KCNH7: variants seen among roughly 807,000 people sequenced by gnomAD.
KCNH7 encodes the protein potassium voltage-gated channel subfamily H member 7.
KCNH7 carries 49 observed loss-of-function variants against 120.8 expected under a neutral mutation model. That is an observed-to-expected ratio of 0.41 (90% CI 0.32 to 0.51). KCNH7 has a LOEUF of 0.51. Among genes scored for constraint, KCNH7 ranks in the 20% least tolerant of loss-of-function variants. The probability of loss-of-function intolerance (pLI) is 0.38; values close to 1 mark genes in which losing one functional copy is unlikely to be tolerated. For synonymous variants in KCNH7, 547 were observed against 516.1 expected (o/e 1.06, Z -0.81); for missense variants, 1,097 against 1,446.6 (o/e 0.76, Z 3.92).
At chr2:162,531,011 T>C (rs1041643438) in intron 3 of KCNH7, among the ~76,000 whole-genome samples, 1 of 151,956 alleles carries the variant, frequency 6.6e-6, no homozygotes, top group African/African-American at 2.4e-5. Context: ...AAAACCGATA[T>C]ACAGGTGGTA....
intron 3 of KCNH7, among the ~76,000 whole-genome samples, chr2:162,524,893 C>T (rs1287396741): frequency 1.3e-5 from 2 of 151,888 alleles, no homozygotes; most frequent in Non-Finnish European, 2.9e-5. Context: ...TAGAACAACT[C>T]AGAATATTGT....
intron 6 of KCNH7, among the ~76,000 whole-genome samples, chr2:162,467,931 T>C (rs1404283604): frequency 6.6e-6 from 1 of 152,176 alleles, no homozygotes; most frequent in South Asian, 2.1e-4. Context: ...GGGCAAGGCA[T>C]TAATCTTGTT....
intron 2 of KCNH7, among the ~76,000 whole-genome samples, chr2:162,581,886 A>G (rs1212055050): frequency 6.6e-6 from 1 of 152,044 alleles, no homozygotes; most frequent in Non-Finnish European, 1.5e-5. Flanking sequence ...CACCCACCCA[A>G]AGAAAGAAAA....
chr2:162,721,752 G>A (rs191555131), intron 2 of KCNH7, among the ~76,000 whole-genome samples: 63 of 151,468 alleles, frequency 4.2e-4, no homozygotes, highest in Non-Finnish European at 5.7e-4. Flanking sequence ...TCTCATTTAC[G>A]GAAATTAAAA....
chr2:162,739,745 G>T (rs771581652), intron 2 of KCNH7, among the ~76,000 whole-genome samples: 7 of 152,110 alleles, frequency 4.6e-5, no homozygotes, highest in Non-Finnish European at 7.3e-5. Context: ...AGAGTCCCAG[G>T]CCCCATAATA....
chr2:162,405,431 A>G (rs1687182495), intron 9 of KCNH7, among the ~76,000 whole-genome samples: 1 of 152,002 alleles, frequency 6.6e-6, no homozygotes, highest in South Asian at 2.1e-4. Context: ...AAAAGATATC[A>G]CACAAAACAA....
chr2:162,516,060 T>A (rs1691281103), intron 4 of KCNH7, among the ~76,000 whole-genome samples: 1 of 151,696 alleles, frequency 6.6e-6, no homozygotes, highest in East Asian at 2.0e-4. Context: ...GCAAGCACAG[T>A]CCCCTCAACA....
intron 6 of KCNH7, among the ~76,000 whole-genome samples, chr2:162,468,701 T>C (rs1399094616): frequency 6.6e-6 from 1 of 151,806 alleles, no homozygotes; most frequent in Non-Finnish European, 1.5e-5. Flanking sequence ...TTTGTATTTT[T>C]AGTAGAGATA....
intron 2 of KCNH7, among the ~76,000 whole-genome samples, chr2:162,559,855 A>G (rs1183435386): frequency 2.0e-5 from 3 of 152,186 alleles, no homozygotes; most frequent in Non-Finnish European, 2.9e-5. Flanking sequence ...TGTCACAAAT[A>G]TTTAATAGAT....
intron 2 of KCNH7, among the ~76,000 whole-genome samples, chr2:162,656,735 A>T (rs546429227): frequency 6.6e-6 from 1 of 152,190 alleles, no homozygotes; most frequent in Non-Finnish European, 1.5e-5. Flanking sequence ...TATTGCATCA[A>T]TGATTAATTT....
At chr2:162,420,402 T>TACAAA (rs539606336) in intron 9 of KCNH7, among the ~76,000 whole-genome samples, 37 of 151,832 alleles carry the variant, frequency 2.4e-4, no homozygotes, top group African/African-American at 7.2e-4. Flanking sequence ...ACAAAAACAA[T>TACAAA]ACAAAACAAA....
intron 2 of KCNH7, among the ~76,000 whole-genome samples, chr2:162,694,114 C>G (rs1286580035): frequency 2.0e-5 from 3 of 152,050 alleles, no homozygotes; most frequent in African/African-American, 7.2e-5. Flanking sequence ...TGAAAACATT[C>G]CTGAAGAACT....
At chr2:162,779,654 T>G (rs182117040) in intron 2 of KCNH7, among the ~76,000 whole-genome samples, 1 of 152,318 alleles carries the variant, frequency 6.6e-6, no homozygotes, top group African/African-American at 2.4e-5. Flanking sequence ...TGCCATTTCA[T>G]TTTTATCCCC....
At chr2:162,450,313 A>G (rs934672937) in intron 6 of KCNH7, among the ~76,000 whole-genome samples, 2 of 152,092 alleles carry the variant, frequency 1.3e-5, no homozygotes, top group Admixed American at 6.6e-5. Flanking sequence ...ATTGACACAG[A>G]ACCACTGCAA....
At chr2:162,808,317 C>A (rs1166752550) in intron 2 of KCNH7, among the ~76,000 whole-genome samples, 1 of 152,128 alleles carries the variant, frequency 6.6e-6, no homozygotes, top group Non-Finnish European at 1.5e-5. Flanking sequence ...GCCAACCGTT[C>A]CATAAATGCC....
intron 2 of KCNH7, among the ~76,000 whole-genome samples, chr2:162,808,865 A>G (rs576733825): frequency 4.1e-4 from 62 of 152,344 alleles, no homozygotes; most frequent in Non-Finnish European, 7.6e-4. Flanking sequence ...TTCCAGGTGC[A>G]AAACAGTCAG....
intron 2 of KCNH7, among the ~76,000 whole-genome samples, chr2:162,605,433 GAGA>G (rs1682715412): frequency 6.6e-6 from 1 of 152,056 alleles, no homozygotes; most frequent in African/African-American, 2.4e-5. Flanking sequence ...AACCATTTCA[GAGA>G]AGGTTTGTTA....
At chr2:162,645,221 C>T (rs927224606) in intron 2 of KCNH7, among the ~76,000 whole-genome samples, 3 of 152,022 alleles carry the variant, frequency 2.0e-5, no homozygotes, top group African/African-American at 4.8e-5. Context: ...GATCTTGGCT[C>T]ACTGCAACCT....
At chr2:162,748,263 T>G (rs1366739390) in intron 2 of KCNH7, among the ~76,000 whole-genome samples, 2 of 152,214 alleles carry the variant, frequency 1.3e-5, no homozygotes, top group African/African-American at 4.8e-5. Flanking sequence ...TGTATGTGTC[T>G]TAAGTGTCTT....
Sources: gnomAD v4.1 joint callset for allele counts (sites outside exome capture counted in the v4.1 genomes callset) on GRCh38, gnomAD v4.1.1 for gene constraint, MANE v1.5 for transcripts, NCBI Gene and HGNC (gene_info 2026-07-23, HGNC 2026-07-21) for gene names.